NEBL: variants seen among roughly 807,000 people sequenced by gnomAD.
NEBL encodes nebulette.
In NEBL, 122 loss-of-function variants were observed where a neutral mutation model predicts 140.2. The ratio of observed to expected loss-of-function variants is 0.87; its 90% CI spans 0.75 to 1.01. The LOEUF (loss-of-function observed/expected upper bound fraction) is 1.01, where lower values mean the gene tolerates loss of function less well. NEBL is among the 50% of genes least tolerant of loss of function. The pLI, the probability that NEBL is intolerant of heterozygous loss-of-function variation, is 0.00. For missense variants in NEBL, 1,365 were observed against 1,231.3 expected (o/e 1.11, Z -1.62); for synonymous variants, 436 against 398.9 (o/e 1.09, Z -1.11).
intron 4 of NEBL, among the ~76,000 whole-genome samples, chr10:20,881,425 G>A (rs1351206953): frequency 6.6e-6 from 1 of 152,062 alleles, no homozygotes; most frequent in Non-Finnish European, 1.5e-5. Context: ...CCTCCATTAG[G>A]GAAATGGACC....
chr10:21,014,883 C>T (rs1379119593), intron 3 of NEBL, among the ~76,000 whole-genome samples: 3 of 152,164 alleles, frequency 2.0e-5, no homozygotes, highest in Non-Finnish European at 2.9e-5. Context: ...ATCGTACTTC[C>T]TATGAACCAC....
At chr10:21,039,565 G>A (rs555233058) in intron 2 of NEBL, among the ~76,000 whole-genome samples, 35 of 152,110 alleles carry the variant, frequency 2.3e-4, no homozygotes, top group South Asian at 6.2e-4. Flanking sequence ...TTTCTATGAC[G>A]ACAAGAAGAT....
At chr10:21,151,556 C>T (rs1404803720) in intron 2 of NEBL, among the ~76,000 whole-genome samples, 4 of 152,184 alleles carry the variant, frequency 2.6e-5, no homozygotes, top group African/African-American at 9.7e-5. Context: ...CACTCCTCTG[C>T]TCAACACCCC....
At chr10:21,002,526 G>A (rs372703156) in intron 3 of NEBL, among the ~76,000 whole-genome samples, 26 of 152,284 alleles carry the variant, frequency 1.7e-4, no homozygotes, top group African/African-American at 5.8e-4. Flanking sequence ...TTCTCACGCT[G>A]CTATAAAGAA....
chr10:21,146,381 A>C (rs756717087), intron 2 of NEBL: 1 of 1,612,716 alleles, frequency 6.2e-7, no homozygotes, highest in Non-Finnish European at 8.5e-7. Flanking sequence ...CACACAAGAA[A>C]AAAATGACTG....
At chr10:20,813,044 G>C in intron 23 of NEBL, 104 bp from the exon 24 acceptor site, 1 of 929,908 alleles carries the variant, frequency 1.1e-6, no homozygotes, top group Non-Finnish European at 1.7e-6. Context: ...CGTGCAGATT[G>C]TCTACATGTA....
intron 1 of NEBL, among the ~76,000 whole-genome samples, chr10:21,283,373 C>A (rs578034704): frequency 1.1e-4 from 16 of 152,280 alleles, no homozygotes; most frequent in African/African-American, 3.9e-4. Flanking sequence ...TAAAAACGGG[C>A]AACCAGCAGC....
intron 4 of NEBL, among the ~76,000 whole-genome samples, chr10:20,934,555 G>T (rs1014060599): frequency 6.6e-6 from 1 of 152,078 alleles, no homozygotes; most frequent in East Asian, 1.9e-4. Flanking sequence ...TGCTATCCAC[G>T]ATGGGCCCGC....
intron 23 of NEBL, 85 bp downstream of exon 23, chr10:20,813,854 C>T (rs879062708): frequency 1.8e-5 from 16 of 893,676 alleles, no homozygotes; most frequent in African/African-American, 3.3e-5. Context: ...TGTTAGTTAT[C>T]GGATTAATAG....
chr10:21,269,178 T>G (rs1842832542), intron 1 of NEBL, among the ~76,000 whole-genome samples: 1 of 152,276 alleles, frequency 6.6e-6, no homozygotes, highest in Non-Finnish European at 1.5e-5. Context: ...CATTCCTAAG[T>G]GTCTTGGCCC....
chr10:20,842,991 C>T (rs1360123287), intron 12 of NEBL, among the ~76,000 whole-genome samples: 1 of 151,998 alleles, frequency 6.6e-6, no homozygotes, highest in Non-Finnish European at 1.5e-5. Flanking sequence ...GCTTATTTCA[C>T]CTGGCATCAT....
intron 24 of NEBL, among the ~76,000 whole-genome samples, chr10:20,812,484 C>T (rs1305511248): frequency 1.4e-5 from 2 of 145,506 alleles, no homozygotes; most frequent in African/African-American, 2.5e-5. Flanking sequence ...CCCCACCTCA[C>T]AACAGGCCCT....
intron 27 of NEBL, among the ~76,000 whole-genome samples, chr10:20,786,548 C>T (rs1835422326): frequency 6.6e-6 from 1 of 152,138 alleles, no homozygotes; most frequent in Admixed American, 6.5e-5. Flanking sequence ...ACATTAACAT[C>T]AGACAATCTC....
intron 3 of NEBL, among the ~76,000 whole-genome samples, chr10:21,230,499 A>C (rs1437763905): frequency 6.6e-6 from 1 of 152,190 alleles, no homozygotes; most frequent in African/African-American, 2.4e-5. Context: ...TGAATGTGTC[A>C]ACAATCTCAC....
chr10:21,168,512 A>G (rs533626337), intron 2 of NEBL, among the ~76,000 whole-genome samples: 1 of 152,288 alleles, frequency 6.6e-6, no homozygotes, highest in African/African-American at 2.4e-5. Context: ...GTAAAGTATG[A>G]GCGCTGATTG....
At chr10:20,827,019 T>C (rs1436041833) in intron 17 of NEBL, among the ~76,000 whole-genome samples, 6 of 152,196 alleles carry the variant, frequency 3.9e-5, no homozygotes, top group Non-Finnish European at 8.8e-5. Flanking sequence ...TCAATGTTAA[T>C]TTCAAGTCTA....
intron 2 of NEBL, among the ~76,000 whole-genome samples, chr10:21,111,258 G>A (rs955843455): frequency 6.6e-6 from 1 of 152,024 alleles, no homozygotes; most frequent in Non-Finnish European, 1.5e-5. Flanking sequence ...AAGTTCATAT[G>A]GAACCAAAAA....
rs541508704 is a variant in NEBL, at chr10:21,063,663, G to T, written c.165-43462C>A. ...AATCCTAGCACTTTGGGAGGCAGAG[G>T]CAGGCAGATCTCTTGAGTTGAGGAG... On this transcript the variant is annotated intron_variant, in intron 2 of 6. Coordinates refer to the NEBL transcript ENST00000417816. Among the ~76,000 whole-genome samples the T allele has an allele frequency of 1.6e-3, 248 of 152,260 alleles. 1 individual carries two copies. The highest frequency in any genetic ancestry group is 5.7e-3 in the African/African-American group (236 of 41,550).
rs369292695 is a variant in NEBL at position 21,072,289 on chromosome 10, G to A, written c.165-52088C>T. Among the ~76,000 whole-genome samples the A allele has an allele frequency of 1.2e-4, 18 of 152,044 alleles. No homozygotes were observed. The South Asian group carries it at 2.1e-3, about 18-fold the overall frequency. On this transcript the variant is annotated intron_variant, in intron 2 of 6. Transcript: ENST00000417816. ...ATCTGTATACCTCTTTTCCAGTTCC[G>A]TCTTTTATAATGTCATTGGATTTAG...
Sources: gnomAD v4.1 joint callset for allele counts (sites outside exome capture counted in the v4.1 genomes callset) on GRCh38, gnomAD v4.1.1 for gene constraint, MANE v1.5 for transcripts, NCBI Gene and HGNC (gene_info 2026-07-23, HGNC 2026-07-21) for gene names.